KAZN: variants seen among roughly 807,000 people sequenced by gnomAD.
The protein encoded by KAZN is kazrin.
In KAZN, 40 loss-of-function variants were observed where a neutral mutation model predicts 87.4. That is an observed-to-expected ratio of 0.46 (90% CI 0.36 to 0.60). The LOEUF (loss-of-function observed/expected upper bound fraction) is 0.60. KAZN is among the 20% of genes least tolerant of loss of function. The pLI is 0.00. For synonymous variants in KAZN, 466 were observed against 458.3 expected, an observed-to-expected ratio of 1.02 and a Z score of -0.22; for missense variants, 898 against 1,073.9, an observed-to-expected ratio of 0.84 and a Z score of 2.29.
intron 2 of KAZN, among the ~76,000 whole-genome samples, chr1:14,451,258 C>T (rs951891893): frequency 2.0e-5 from 3 of 152,134 alleles, no homozygotes; most frequent in Admixed American, 2.0e-4. Context: ...AAAACACAAA[C>T]CCAGCCCCCT....
At position 14,120,613 on chromosome 1, in the gene KAZN, T is replaced by A. The variant is rs367634713; in HGVS notation, c.92-59822T>A. Among the ~76,000 whole-genome samples, 30 of 152,290 alleles carry A rather than the reference T, an allele frequency of 2.0e-4. No homozygotes were observed. In the South Asian group the frequency reaches 6.2e-3, roughly 32 times the overall value. The stretch of plus-strand genomic sequence containing the variant: ...GTACCTGGTCCAAATATAACTGACT[T>A]TGAATTCTTATGGAAGGATGCTTCA... On this transcript the variant is annotated intron_variant, in intron 1 of 16. Transcript: ENST00000636203.
At chr1:14,038,712 T>C (rs1300396998) in intron 1 of KAZN, among the ~76,000 whole-genome samples, 1 of 152,140 alleles carries the variant, frequency 6.6e-6, no homozygotes, top group Non-Finnish European at 1.5e-5. Context: ...CCTTAGGTCA[T>C]ACCTGTGATG....
chr1:14,320,494 C>A (rs140119161), intron 2 of KAZN, among the ~76,000 whole-genome samples: 1 of 152,044 alleles, frequency 6.6e-6, no homozygotes, highest in Non-Finnish European at 1.5e-5. Flanking sequence ...TTGTATTTCT[C>A]TACCCTACAC....
intron 1 of KAZN, among the ~76,000 whole-genome samples, chr1:14,135,883 T>C (rs1358742472): frequency 6.6e-6 from 1 of 152,180 alleles, no homozygotes; most frequent in East Asian, 1.9e-4. Context: ...TCTATAATTT[T>C]GCTAAAAATG....
At chr1:14,295,639 C>T (rs1023591106) in intron 2 of KAZN, among the ~76,000 whole-genome samples, 3 of 152,148 alleles carry the variant, frequency 2.0e-5, no homozygotes, top group African/African-American at 4.8e-5. Context: ...AACACATAGG[C>T]ATGCAGAGAG....
intron 2 of KAZN, among the ~76,000 whole-genome samples, chr1:14,498,835 C>T (rs191159904): frequency 1.2e-3 from 188 of 152,166 alleles, no homozygotes; most frequent in Non-Finnish European, 2.1e-3. Context: ...GTCTAAGTAG[C>T]CTCTTCGCTA....
intron 1 of KAZN, among the ~76,000 whole-genome samples, chr1:14,146,501 A>G (rs1334686692): frequency 4.5e-4 from 63 of 140,568 alleles, no homozygotes; most frequent in Admixed American, 7.2e-4. Flanking sequence ...GCGCCATTGC[A>G]CTCCAGCCTG....
chr1:14,125,425 G>T (rs899357909), intron 1 of KAZN, among the ~76,000 whole-genome samples: 1 of 152,152 alleles, frequency 6.6e-6, no homozygotes, highest in South Asian at 2.1e-4. Flanking sequence ...TCATTAAAAA[G>T]GGTCTCAAGG....
At chr1:14,901,319 A>T (rs1655858113) in intron 1 of KAZN, among the ~76,000 whole-genome samples, 1 of 152,202 alleles carries the variant, frequency 6.6e-6, no homozygotes, top group South Asian at 2.1e-4. Flanking sequence ...CGGGATAACA[A>T]GAAGCCCAGT....
At chr1:14,695,574 C>T (rs1641557073) in intron 1 of KAZN, among the ~76,000 whole-genome samples, 1 of 144,588 alleles carries the variant, frequency 6.9e-6, no homozygotes, top group Middle Eastern at 3.8e-3. Context: ...GGCGCAATCT[C>T]GGCTCATTGC....
At chr1:14,255,464 C>G (rs748704448) in intron 2 of KAZN, among the ~76,000 whole-genome samples, 1 of 152,138 alleles carries the variant, frequency 6.6e-6, no homozygotes, top group Admixed American at 6.5e-5. Context: ...CCCAGCAAGA[C>G]GGAGGCTCAC....
chr1:14,294,030 C>T (rs1653929150), intron 2 of KAZN, among the ~76,000 whole-genome samples: 1 of 152,176 alleles, frequency 6.6e-6, no homozygotes, highest in Non-Finnish European at 1.5e-5. Context: ...CTCCTCTTCA[C>T]CATAAACTGA....
At chr1:14,846,997 C>A (rs1228510837) in intron 1 of KAZN, among the ~76,000 whole-genome samples, 1 of 152,168 alleles carries the variant, frequency 6.6e-6, no homozygotes, top group East Asian at 1.9e-4. Flanking sequence ...TTTTTACAAC[C>A]TGCTCTAAGT....
In KAZN at chr1:15,063,604, G is replaced by A; in HGVS notation, c.1080G>A (p.Leu360=). ...GTCCCGGCCCAGTTCAGAAGAACCT[G>A]CACAACCCTATTGTACAGGTAGGTG... The part of the protein sequence containing the change: ...GDSPGPVQKN[L]HNPIVQSLED... Residue 360 remains leucine, a synonymous_variant, in exon 7 of 15, where the codon CTG becomes CTA. Coordinates refer to ENST00000376030, the MANE Select transcript of KAZN (RefSeq NM_201628.3). The A allele has an allele frequency of 1.9e-6, 3 of 1,614,052 alleles. No individual in the cohort carries two copies. The highest frequency in any genetic ancestry group is 2.5e-6 in the Non-Finnish European group (3 of 1,179,928).
rs376559196 is a variant in KAZN at position 14,514,169 on chromosome 1, A to G, written c.250-84814A>G. On this transcript the variant is annotated intron_variant, in intron 2 of 16. Transcript: ENST00000636203. Reference sequence around the variant, plus strand: ...CCCCGTCTCTACTAAAAAAAAATACAAAAAAATTAGCCAGGTGTGGTGGCA... The same window carrying G: ...CCCCGTCTCTACTAAAAAAAAATACGAAAAAATTAGCCAGGTGTGGTGGCA... Among the ~76,000 whole-genome samples the G allele has an allele frequency of 4.3e-3, 567 of 133,052 alleles. 4 individuals carry two copies. The highest frequency in any genetic ancestry group is 0.017 in the Middle Eastern group (5 of 288). The allele number at this position is 133,052 out of a possible 152,430, so 87.3% of individuals were successfully genotyped here. A position where few individuals can be genotyped will look rare whatever the true frequency, so the allele number is the denominator to read the frequency against.
intron 2 of KAZN, among the ~76,000 whole-genome samples, chr1:14,976,803 C>T (rs1485610573): frequency 1.3e-5 from 2 of 152,160 alleles, no homozygotes; most frequent in Admixed American, 6.5e-5. Context: ...CCTGTAATCT[C>T]AGCACTTTGG....
At chr1:14,304,364 G>A (rs1654772347) in intron 2 of KAZN, among the ~76,000 whole-genome samples, 1 of 152,156 alleles carries the variant, frequency 6.6e-6, no homozygotes, top group Non-Finnish European at 1.5e-5. Context: ...ACCTGGTCAG[G>A]ACCTTGAGAA....
chr1:14,156,898 T>C (rs1645605050), intron 1 of KAZN, among the ~76,000 whole-genome samples: 1 of 148,870 alleles, frequency 6.7e-6, no homozygotes, highest in Non-Finnish European at 1.5e-5. Flanking sequence ...TCTGGTTGTT[T>C]TGTGGTCTTT....
chr1:14,048,340 T>C (rs893050015), intron 1 of KAZN, among the ~76,000 whole-genome samples: 2 of 152,182 alleles, frequency 1.3e-5, no homozygotes, highest in Non-Finnish European at 2.9e-5. Context: ...CTGATTGGAC[T>C]ATTTTAAGAG....
Sources: gnomAD v4.1 joint callset for allele counts (sites outside exome capture counted in the v4.1 genomes callset) on GRCh38, gnomAD v4.1.1 for gene constraint, MANE v1.5 for transcripts, NCBI Gene and HGNC (gene_info 2026-07-23, HGNC 2026-07-21) for gene names.